CTIF: variants seen among roughly 807,000 people sequenced by gnomAD.
CTIF encodes cap binding complex dependent translation initiation factor.
A neutral mutation model predicts 66.0 loss-of-function variants in CTIF; 21 were observed. The observed-to-expected ratio is 0.32, with a 90% CI of 0.23 to 0.46. The LOEUF is 0.46. CTIF is among the 20% of genes least tolerant of loss of function. The pLI is 1.00. For missense variants in CTIF, 739 were observed against 812.7 expected (o/e 0.91, Z 1.10); for synonymous variants, 345 against 326.4 (o/e 1.06, Z -0.62).
At chr18:48,628,400 G>A (rs1287668448) in intron 2 of CTIF, among the ~76,000 whole-genome samples, 2 of 151,944 alleles carry the variant, frequency 1.3e-5, no homozygotes, top group African/African-American at 2.4e-5. Flanking sequence ...TGAGGAGGAA[G>A]TAACAAAGGA....
At chr18:48,700,994 G>A (rs778611939) in intron 6 of CTIF, among the ~76,000 whole-genome samples, 1 of 152,144 alleles carries the variant, frequency 6.6e-6, no homozygotes, top group Non-Finnish European at 1.5e-5. Flanking sequence ...TCACAATGTT[G>A]CCCACTTCTC....
intron 7 of CTIF, among the ~76,000 whole-genome samples, chr18:48,746,655 A>G (rs1037838278): frequency 6.6e-6 from 1 of 151,852 alleles, no homozygotes; most frequent in African/African-American, 2.4e-5. Context: ...AGCAGGATGG[A>G]GGGGAGAGGC....
chr18:48,826,449 T>TTCTTGCCTGGC (rs1188574352), intron 10 of CTIF: 1 of 152,290 alleles, frequency 6.6e-6, no homozygotes, highest in Non-Finnish European at 1.5e-5. Flanking sequence ...CTTTCTCCTC[T>TTCTTGCCTGGC]TCTTGCCTGG....
chr18:48,729,175 T>C (rs575202160), intron 7 of CTIF, among the ~76,000 whole-genome samples: 115 of 152,244 alleles, frequency 7.6e-4, no homozygotes, highest in Non-Finnish European at 1.2e-3. Flanking sequence ...AGCCAGGGGA[T>C]GCTGTTGCCA....
intron 7 of CTIF, among the ~76,000 whole-genome samples, chr18:48,719,577 T>A (rs1235274951): frequency 2.0e-5 from 3 of 152,202 alleles, no homozygotes; most frequent in Non-Finnish European, 4.4e-5. Flanking sequence ...CCGCACTCAA[T>A]ACTCATGGTG....
At chr18:48,800,176 C>T (rs903968663) in intron 9 of CTIF, among the ~76,000 whole-genome samples, 3 of 152,178 alleles carry the variant, frequency 2.0e-5, no homozygotes, top group African/African-American at 7.2e-5. Flanking sequence ...TTTTTCTTCC[C>T]CACTCTACCA....
At chr18:48,735,140 GCC>G (rs1447517637) in intron 7 of CTIF, among the ~76,000 whole-genome samples, 2 of 152,094 alleles carry the variant, frequency 1.3e-5, no homozygotes, top group Non-Finnish European at 2.9e-5. Context: ...AGCCCATAAG[GCC>G]CTGTAACTTC....
intron 10 of CTIF, among the ~76,000 whole-genome samples, chr18:48,849,524 A>G (rs1046376667): frequency 2.7e-5 from 4 of 148,174 alleles, no homozygotes; most frequent in Admixed American, 2.7e-4. Context: ...ACCATTTTTT[A>G]TTGGTTAATA....
At chr18:48,564,338 G>C (rs2089232318) in intron 1 of CTIF, among the ~76,000 whole-genome samples, 1 of 152,004 alleles carries the variant, frequency 6.6e-6, no homozygotes, top group African/African-American at 2.4e-5. Context: ...TGGAGGCCTT[G>C]CTGGGGAAGG....
chr18:48,783,229 C>A (rs1195782807), intron 9 of CTIF, among the ~76,000 whole-genome samples: 1 of 152,156 alleles, frequency 6.6e-6, no homozygotes, highest in Non-Finnish European at 1.5e-5. Flanking sequence ...CTCCCAGGGG[C>A]CAGTCCACCA....
chr18:48,668,534 A>G (rs1192262447), intron 5 of CTIF, among the ~76,000 whole-genome samples: 1 of 152,034 alleles, frequency 6.6e-6, no homozygotes, highest in African/African-American at 2.4e-5. Context: ...GCCGGGGGAA[A>G]CTTTTTCTTT....
chr18:48,636,979 C>T (rs1299385704), intron 3 of CTIF, among the ~76,000 whole-genome samples: 1 of 152,154 alleles, frequency 6.6e-6, no homozygotes. Flanking sequence ...GGAGAGGTGC[C>T]TTGGGATCCA....
intron 10 of CTIF, among the ~76,000 whole-genome samples, chr18:48,847,116 C>T (rs2069097561): frequency 6.6e-6 from 1 of 151,752 alleles, no homozygotes; most frequent in South Asian, 2.1e-4. Context: ...GAGACCATCC[C>T]GGCCAACATG....
intron 1 of CTIF, among the ~76,000 whole-genome samples, chr18:48,615,954 C>T (rs1400722736): frequency 6.6e-6 from 1 of 152,236 alleles, no homozygotes; most frequent in East Asian, 1.9e-4. Context: ...GGTCTCAATT[C>T]TGTCCCCTTT....
intron 7 of CTIF, among the ~76,000 whole-genome samples, chr18:48,738,281 A>T (rs2092521865): frequency 6.6e-6 from 1 of 152,044 alleles, no homozygotes; most frequent in Admixed American, 6.5e-5. Flanking sequence ...TCTCACCGGG[A>T]TTACTCCTAT....
chr18:48,784,874 A>G (rs1911566471), intron 9 of CTIF, among the ~76,000 whole-genome samples: 2 of 152,054 alleles, frequency 1.3e-5, no homozygotes, highest in Admixed American at 1.3e-4. Context: ...CATGTGAATA[A>G]CTCCTCTCAC....
chr18:48,698,152 C>G (rs2092034420), intron 6 of CTIF, among the ~76,000 whole-genome samples: 1 of 125,774 alleles, frequency 8.0e-6, no homozygotes, highest in Non-Finnish European at 1.7e-5. Flanking sequence ...GCAAACTCCC[C>G]TCTGAAAACC....
intron 1 of CTIF, among the ~76,000 whole-genome samples, chr18:48,584,665 G>A (rs1045355202): frequency 2.6e-5 from 4 of 152,152 alleles, no homozygotes; most frequent in Admixed American, 6.5e-5. Flanking sequence ...TGAGTTTGGC[G>A]ATGTTCAGTG....
chr18:48,670,595 C>T (rs1568121292), intron 5 of CTIF, 74 bp from the exon 6 acceptor site: 1 of 1,367,690 alleles, frequency 7.3e-7, no homozygotes, highest in Non-Finnish European at 1.0e-6. Flanking sequence ...TGTCCCTCCT[C>T]TCCTGCTGGC....
Sources: allele counts gnomAD v4.1 joint callset (sites outside exome capture counted in the v4.1 genomes callset), GRCh38; gene constraint gnomAD v4.1.1; transcripts MANE v1.5; gene names NCBI Gene and HGNC (gene_info 2026-07-23, HGNC 2026-07-21).